GM2A: variants seen among roughly 807,000 people sequenced by gnomAD.
The protein encoded by GM2A is GM2 ganglioside activator.
In GM2A, 7 loss-of-function variants were observed where a neutral mutation model predicts 12.9. The ratio of observed to expected loss-of-function variants is 0.54; its 90% CI spans 0.31 to 1.02. The LOEUF is 1.02. GM2A is among the 50% of genes least tolerant of loss of function. GM2A has a pLI of 0.05. For synonymous variants in GM2A, 101 were observed against 96.0 expected, an observed-to-expected ratio of 1.05 and a Z score of -0.30; for missense variants, 246 against 241.0, an observed-to-expected ratio of 1.02 and a Z score of -0.14.
In GM2A at chr5:151,270,401, G is replaced by A. The variant is rs1446974969; in HGVS notation, c.*2950G>A. On this transcript the variant is annotated 3_prime_UTR_variant, in exon 4 of 4. Transcript: ENST00000357164. ...TAGTAAAAACACAATAAAATCAAAT[G>A]ACTGGGAGAAAAATTTATCCAGCCT... 5.0e-6 allele frequency: 2 copies of A among 398,344 alleles called. No individual in the cohort carries two copies. Among genetic ancestry groups the A allele is most frequent in the African/African-American group, 4.1e-5 (2 of 48,600 alleles). 24.7% of individuals were successfully genotyped at this position (398,344 alleles called of 1,614,324 possible). A position where few individuals can be genotyped will look rare whatever the true frequency, so the allele number is the denominator to read the frequency against.
chr5:151,257,821 C>T (rs1012447302), intron 1 of GM2A, among the ~76,000 whole-genome samples: 1 of 152,218 alleles, frequency 6.6e-6, no homozygotes, highest in Non-Finnish European at 1.5e-5. Context: ...TGTCTGACTC[C>T]GCATCCTGCA....
chr5:151,268,489 A>T lies in GM2A; in HGVS notation c.*1038A>T, dbSNP rs1753941235. Reference sequence around the variant, plus strand: ...TTGATTAAAGATGCTATTACAATGTAAATATTTCTTACACAGAAAGTCACA... The same window carrying T: ...TTGATTAAAGATGCTATTACAATGTTAATATTTCTTACACAGAAAGTCACA... On this transcript the variant is annotated 3_prime_UTR_variant, in exon 4 of 4. Coordinates refer to ENST00000357164, the MANE Select transcript of GM2A (RefSeq NM_000405.5). The T allele has an allele frequency of 1.0e-6, 1 of 985,326 alleles. No homozygotes were observed. The highest frequency in any genetic ancestry group is 1.2e-6 in the Non-Finnish European group (1 of 829,952). The allele number at this position is 985,326 out of a possible 1,614,324, so 61.0% of individuals were successfully genotyped here. A position where few individuals can be genotyped will look rare whatever the true frequency, so the allele number is the denominator to read the frequency against.
intron 1 of GM2A, among the ~76,000 whole-genome samples, chr5:151,255,577 T>G (rs926641277): frequency 6.6e-6 from 1 of 152,130 alleles, no homozygotes; most frequent in African/African-American, 2.4e-5. Context: ...GGTGTGATGG[T>G]GCCAACGTGC....
chr5:151,260,747 A>ATTTATT (rs1217671773), intron 2 of GM2A, among the ~76,000 whole-genome samples: 1 of 152,202 alleles, frequency 6.6e-6, no homozygotes, highest in Non-Finnish European at 1.5e-5. Flanking sequence ...TAACACACAT[A>ATTTATT]TTTATTTTTA....
In GM2A at chr5:151,269,967, G is replaced by A; in HGVS notation, c.*2516G>A. On this transcript the variant is annotated 3_prime_UTR_variant, in exon 4 of 4. Coordinates refer to ENST00000357164, the MANE Select transcript of GM2A (RefSeq NM_000405.5). ...ACCTCACCTGGCAATGACCTCCACA[G>A]CCGTTTCCCTCTGTTGGATCTTCCA... 1.6e-6 allele frequency: 2 copies of A among 1,216,330 alleles called. No individual in the cohort carries two copies. Among genetic ancestry groups the A allele is most frequent in the East Asian group, 3.3e-5 (1 of 30,530 alleles). The allele number at this position is 1,216,330 out of a possible 1,614,324, so 75.3% of individuals were successfully genotyped here. A position where few individuals can be genotyped will look rare whatever the true frequency, so the allele number is the denominator to read the frequency against.
At chr5:151,256,513 G>A (rs920192804) in intron 1 of GM2A, among the ~76,000 whole-genome samples, 3 of 150,806 alleles carry the variant, frequency 2.0e-5, no homozygotes, top group African/African-American at 4.9e-5. Flanking sequence ...GCTGAGGCAG[G>A]AGAAATCACT....
chr5:151,257,948 T>C (rs367682062), intron 1 of GM2A, among the ~76,000 whole-genome samples: 28 of 152,372 alleles, frequency 1.8e-4, no homozygotes, highest in African/African-American at 6.3e-4. Flanking sequence ...GTGGGTGATA[T>C]TTATTTGCAT....
At position 151,253,807 on chromosome 5, in the gene GM2A, A is replaced by G. The variant is rs531799165; in HGVS notation, c.81+510A>G. Among the ~76,000 whole-genome samples the G allele has an allele frequency of 1.7e-4, 26 of 152,168 alleles. No individual in the cohort carries two copies. The South Asian group carries it at 5.2e-3, about 30-fold the overall frequency. The stretch of plus-strand genomic sequence containing the variant: ...GCCTGTGACCCCGCTGCCCTTGGTT[A>G]TGAGCCACTGAGACAACAGTCCCCG... On this transcript the variant is annotated intron_variant, in intron 1 of 3. Coordinates refer to ENST00000357164, the MANE Select transcript of GM2A (RefSeq NM_000405.5).
At chr5:151,267,196 GA>G in intron 3 of GM2A, 99 bp from the exon 4 acceptor site, 1 of 1,458,012 alleles carries the variant, frequency 6.9e-7, no homozygotes, top group Non-Finnish European at 9.5e-7. Context: ...AGAATGGGAA[GA>G]GGGGTGGTAG....
At chr5:151,266,308 A>G (rs989967563) in intron 2 of GM2A, among the ~76,000 whole-genome samples, 1 of 152,106 alleles carries the variant, frequency 6.6e-6, no homozygotes, top group African/African-American at 2.4e-5. Flanking sequence ...GTGAGACCCC[A>G]TCTCTACAAA....
Position 151,268,042 on chromosome 5 carries a change from A to G in GM2A, c.*591A>G. On this transcript the variant is annotated 3_prime_UTR_variant, in exon 4 of 4. Coordinates refer to ENST00000357164, the MANE Select transcript of GM2A (RefSeq NM_000405.5). ...GTGGGGGAGGAATCCCTTGGGGGAG[A>G]TATTAGGAGTGCTCTGTTGTTTACA... 1 of 1,025,986 alleles carries G rather than the reference A, an allele frequency of 9.7e-7. No individual in the cohort carries two copies. Among genetic ancestry groups the G allele is most frequent in the Non-Finnish European group, 1.2e-6 (1 of 854,148 alleles). 63.6% of individuals were successfully genotyped at this position (1,025,986 alleles called of 1,614,324 possible).
chr5:151,268,823 T>C lies in GM2A; in HGVS notation c.*1372T>C, dbSNP rs1378130026. ...GATGTGTCCCAAACGGACTGGCTCA[T>C]GGGTGGCCACGTCACAACCTCTGAT... On this transcript the variant is annotated 3_prime_UTR_variant, in exon 4 of 4. Coordinates refer to ENST00000357164, the MANE Select transcript of GM2A (RefSeq NM_000405.5). 4.1e-6 allele frequency: 4 copies of C among 976,090 alleles called. No homozygotes were observed. The highest frequency in any genetic ancestry group is 4.9e-6 in the Non-Finnish European group (4 of 821,446). 60.5% of individuals were successfully genotyped at this position (976,090 alleles called of 1,614,324 possible).
Position 151,267,646 on chromosome 5 carries a change from A to C in GM2A, c.*195A>C. 6.6e-7 allele frequency: 1 copy of C among 1,509,160 alleles called. No individual in the cohort carries two copies. The highest frequency in any genetic ancestry group is 8.9e-7 in the Non-Finnish European group (1 of 1,129,594). The allele number at this position is 1,509,160 out of a possible 1,614,324, so 93.5% of individuals were successfully genotyped here. A position where few individuals can be genotyped will look rare whatever the true frequency, so the allele number is the denominator to read the frequency against. ...GGCAAGCAGCCCTGACCTAAGGGAG[A>C]ATGAGTTGGACAGTTCTTGATAGCC... On this transcript the variant is annotated 3_prime_UTR_variant, in exon 4 of 4. Transcript: ENST00000357164.
In GM2A at chr5:151,268,824, G is replaced by A. The variant is rs1753951476; in HGVS notation, c.*1373G>A. 2 of 976,780 alleles carry A rather than the reference G, an allele frequency of 2.0e-6. No homozygotes were observed. Among genetic ancestry groups the A allele is most frequent in the African/African-American group, 3.5e-5 (2 of 57,148 alleles). 60.5% of individuals were successfully genotyped at this position (976,780 alleles called of 1,614,324 possible). On this transcript the variant is annotated 3_prime_UTR_variant, in exon 4 of 4. Coordinates refer to ENST00000357164, the MANE Select transcript of GM2A (RefSeq NM_000405.5). ...ATGTGTCCCAAACGGACTGGCTCAT[G>A]GGTGGCCACGTCACAACCTCTGATC...
chr5:151,265,213 G>C lies in GM2A; in HGVS notation c.244-1518G>C, dbSNP rs569338698. The stretch of plus-strand genomic sequence containing the variant: ...TCTTAGGAGCAGATGAGGCCAGTGA[G>C]AGGAGCAATTAGAATTTGTCCACTC... On this transcript the variant is annotated intron_variant, in intron 2 of 3. Coordinates refer to ENST00000357164, the MANE Select transcript of GM2A (RefSeq NM_000405.5). Among the ~76,000 whole-genome samples, 7 of 152,288 alleles carry C rather than the reference G, an allele frequency of 4.6e-5. No individual in the cohort carries two copies. In the South Asian group the frequency reaches 1.0e-3, roughly 23 times the overall value.
intron 2 of GM2A, among the ~76,000 whole-genome samples, chr5:151,264,975 C>CT (rs1463680022): frequency 6.7e-6 from 1 of 150,106 alleles, no homozygotes; most frequent in Non-Finnish European, 1.5e-5. Flanking sequence ...GAGTGAGACT[C>CT]TGTCTCAAAA....
In GM2A at chr5:151,269,309, G is replaced by A. The variant is rs979216817; in HGVS notation, c.*1858G>A. 4.1e-6 allele frequency: 4 copies of A among 985,402 alleles called. No homozygotes were observed. Among genetic ancestry groups the A allele is most frequent in the African/African-American group, 1.7e-5 (1 of 57,258 alleles). 61.0% of individuals were successfully genotyped at this position (985,402 alleles called of 1,614,324 possible). A position where few individuals can be genotyped will look rare whatever the true frequency, so the allele number is the denominator to read the frequency against. On this transcript the variant is annotated 3_prime_UTR_variant, in exon 4 of 4. Coordinates refer to ENST00000357164, the MANE Select transcript of GM2A (RefSeq NM_000405.5). ...TCAGGATTTCAAAAGCATTTTTGGG[G>A]TGGGGCTCTTTTGGTTGGAAGGGTT...
Position 151,258,681 on chromosome 5 carries a change from A to C in GM2A, c.82-1074A>C, listed in dbSNP as rs916158842. ...GATCCAGTGACAGCACAAAACCCCC[A>C]TATCCCCAGCCTTTTATACCTTAAT... On this transcript the variant is annotated intron_variant, in intron 1 of 3. Transcript: ENST00000357164. 7.2e-5 allele frequency among the ~76,000 whole-genome samples: 11 copies of C among 152,274 alleles called. 1 individual carries two copies. The highest frequency in any genetic ancestry group is 2.0e-4 in the Admixed American group (3 of 15,304).
At position 151,270,253 on chromosome 5, in the gene GM2A, T is replaced by C. The variant is rs1328796218; in HGVS notation, c.*2802T>C. On this transcript the variant is annotated 3_prime_UTR_variant, in exon 4 of 4. Coordinates refer to ENST00000357164, the MANE Select transcript of GM2A (RefSeq NM_000405.5). ...ACACCATATGCAAGAATGAACTCCA[T>C]CTGGATCCAGGATCCAAATGTAAGA... The C allele has an allele frequency of 8.6e-6, 4 of 463,840 alleles. No homozygotes were observed. Among genetic ancestry groups the C allele is most frequent in the Non-Finnish European group, 1.4e-5 (4 of 285,976 alleles). 28.7% of individuals were successfully genotyped at this position (463,840 alleles called of 1,614,324 possible). A position where few individuals can be genotyped will look rare whatever the true frequency, so the allele number is the denominator to read the frequency against.
Sources: gnomAD v4.1 joint callset for allele counts (sites outside exome capture counted in the v4.1 genomes callset) on GRCh38, gnomAD v4.1.1 for gene constraint, MANE v1.5 for transcripts, NCBI Gene and HGNC (gene_info 2026-07-23, HGNC 2026-07-21) for gene names.